The following FUT9 variants were observed in gnomAD, a reference collection of about 807,000 sequenced individuals.
FUT9 encodes the protein 4-galactosyl-N-acetylglucosaminide 3-alpha-L-fucosyltransferase 9.
Under a neutral mutation model 29.7 loss-of-function variants are expected in FUT9, and 15 were observed. The ratio of observed to expected loss-of-function variants is 0.51; its 90% CI spans 0.34 to 0.78. FUT9 has a LOEUF of 0.78. Among genes scored for constraint, FUT9 ranks in the 30% least tolerant of loss-of-function variants. The pLI is 0.01. For missense variants in FUT9, 319 were observed against 425.4 expected, an observed-to-expected ratio of 0.75 and a Z score of 2.20; for synonymous variants, 169 against 153.7, an observed-to-expected ratio of 1.10 and a Z score of -0.74.
rs531593078 is a variant in FUT9 at position 96,055,680 on chromosome 6, G to A, written c.-98+39468G>A. 1.7e-3 allele frequency among the ~76,000 whole-genome samples: 242 copies of A among 141,654 alleles called. 1 individual carries two copies. The highest frequency in any genetic ancestry group is 3.0e-3 in the Non-Finnish European group (196 of 65,308). The allele number at this position is 141,654 out of a possible 152,430, so 92.9% of individuals were successfully genotyped here. On this transcript the variant is annotated intron_variant, in intron 1 of 2. Transcript: ENST00000302103. The stretch of plus-strand genomic sequence containing the variant: ...CTATAGATAATTGTTTTTTGTTTTC[G>A]TTTTTGTTTTTGTTTTCTATTTCTT...
In FUT9 at chr6:96,211,632, T is replaced by G. The variant is rs1446325432; in HGVS notation, c.*7397T>G. On this transcript the variant is annotated 3_prime_UTR_variant, in exon 3 of 3. Coordinates refer to ENST00000302103, the MANE Select transcript of FUT9 (RefSeq NM_006581.4). ...AAATAATTGTTAGCCAGCCTGTGAT[T>G]AAGGCTACCATAATTGCATAATAAA... is the stretch of plus-strand genomic sequence containing the variant. 1 of 167,208 alleles carries G rather than the reference T, an allele frequency of 6.0e-6. No homozygotes were observed. Among genetic ancestry groups the G allele is most frequent in the African/African-American group, 2.4e-5 (1 of 41,462 alleles). The allele number at this position is 167,208 out of a possible 1,614,324, so 10.4% of individuals were successfully genotyped here. A position where few individuals can be genotyped will look rare whatever the true frequency, so the allele number is the denominator to read the frequency against.
At chr6:96,074,089 C>G (rs1771106469) in intron 1 of FUT9, among the ~76,000 whole-genome samples, 1 of 152,148 alleles carries the variant, frequency 6.6e-6, no homozygotes, top group Admixed American at 6.5e-5. Context: ...GATTCCAGTT[C>G]TAAAAACCTG....
chr6:96,193,394 A>G (rs1773556429), intron 2 of FUT9, among the ~76,000 whole-genome samples: 1 of 129,408 alleles, frequency 7.7e-6, no homozygotes, highest in Non-Finnish European at 1.7e-5. Flanking sequence ...TGGGCGAAGG[A>G]TGTGAACAGA....
At chr6:96,090,268 A>T (rs1236265309) in intron 1 of FUT9, among the ~76,000 whole-genome samples, 4 of 151,842 alleles carry the variant, frequency 2.6e-5, no homozygotes, top group African/African-American at 9.7e-5. Context: ...ATAAAAAAGT[A>T]CTTTTGGAAA....
chr6:96,169,721 C>A (rs1773077965), intron 2 of FUT9, among the ~76,000 whole-genome samples: 1 of 152,090 alleles, frequency 6.6e-6, no homozygotes, highest in African/African-American at 2.4e-5. Flanking sequence ...TTATTCAAAT[C>A]TCTTTTAAAT....
At chr6:96,039,053 T>C (rs771775700) in intron 1 of FUT9, among the ~76,000 whole-genome samples, 1 of 152,158 alleles carries the variant, frequency 6.6e-6, no homozygotes, top group Non-Finnish European at 1.5e-5. Flanking sequence ...TGAAATTATG[T>C]TAGTGAACCT....
intron 2 of FUT9, among the ~76,000 whole-genome samples, chr6:96,120,529 C>T (rs6571052): frequency 0.42 from 61,419 of 147,212 alleles, 13,290 homozygotes; most frequent in East Asian, 0.61. Flanking sequence ...GTGATCCGCC[C>T]GCCTCGGCCT....
intron 1 of FUT9, among the ~76,000 whole-genome samples, chr6:96,026,224 T>C (rs955315895): frequency 6.6e-6 from 1 of 151,766 alleles, no homozygotes; most frequent in Non-Finnish European, 1.5e-5. Flanking sequence ...AGTGACTGTT[T>C]GGATAGGCTT....
At position 96,212,444 on chromosome 6, in the gene FUT9, A is replaced by T. The variant is rs1011729298; in HGVS notation, c.*8209A>T. ...GTAGTCTACTTTTTAGATAAAAGAT[A>T]ATCTATCTTGAATATTTCATATGTG... On this transcript the variant is annotated 3_prime_UTR_variant, in exon 3 of 3. Transcript: ENST00000302103. The T allele has an allele frequency of 2.4e-6, 1 of 411,264 alleles. No individual in the cohort carries two copies. Among genetic ancestry groups the T allele is most frequent in the Non-Finnish European group, 4.4e-6 (1 of 224,824 alleles). The allele number at this position is 411,264 out of a possible 1,614,324, so 25.5% of individuals were successfully genotyped here. A position where few individuals can be genotyped will look rare whatever the true frequency, so the allele number is the denominator to read the frequency against.
chr6:96,202,333 C>A (rs1017181434), intron 2 of FUT9, among the ~76,000 whole-genome samples: 2 of 151,688 alleles, frequency 1.3e-5, no homozygotes. Flanking sequence ...TTTATAATAC[C>A]GATATCATCT....
intron 1 of FUT9, 124 bp downstream of exon 1, chr6:96,016,336 G>A (rs1769978183): frequency 6.6e-6 from 1 of 152,384 alleles, no homozygotes; most frequent in Non-Finnish European, 1.5e-5. Flanking sequence ...AGAGGGTCCA[G>A]GGAGGGTGTT....
chr6:96,085,391 ACTAG>A (rs1771299348), intron 1 of FUT9, among the ~76,000 whole-genome samples: 1 of 152,162 alleles, frequency 6.6e-6, no homozygotes, highest in Non-Finnish European at 1.5e-5. Flanking sequence ...GGTGAAAGAG[ACTAG>A]CTAGCTCTTT....
chr6:96,129,053 C>G (rs1182868410), intron 2 of FUT9, among the ~76,000 whole-genome samples: 1 of 149,320 alleles, frequency 6.7e-6, no homozygotes, highest in Non-Finnish European at 1.5e-5. Context: ...GTCAGGAGAT[C>G]GAGACCATCT....
chr6:96,072,429 A>G (rs17056034), intron 1 of FUT9, among the ~76,000 whole-genome samples: 7,336 of 152,294 alleles, frequency 0.048, 215 homozygotes, highest in South Asian at 0.12. Flanking sequence ...TCACAAATAT[A>G]TCTTTGTCAA....
chr6:96,121,236 CTTATAATGA>C (rs1291643416), intron 2 of FUT9, among the ~76,000 whole-genome samples: 1 of 152,118 alleles, frequency 6.6e-6, no homozygotes, highest in African/African-American at 2.4e-5. Context: ...CTTCTTATCC[CTTATAATGA>C]TATATCCTTA....
At chr6:96,183,474 A>T (rs939725669) in intron 2 of FUT9, among the ~76,000 whole-genome samples, 1 of 151,952 alleles carries the variant, frequency 6.6e-6, no homozygotes, top group East Asian at 1.9e-4. Context: ...GACTTCCAGT[A>T]CTATGTTGAG....
intron 2 of FUT9, among the ~76,000 whole-genome samples, chr6:96,126,981 C>T (rs1224591990): frequency 6.6e-6 from 1 of 152,138 alleles, no homozygotes; most frequent in Admixed American, 6.5e-5. Context: ...AGAATGGTTT[C>T]AGGTTATTAT....
In FUT9 at chr6:96,198,089, T is replaced by C. The variant is rs552068082; in HGVS notation, c.-8-5059T>C. 3.9e-5 allele frequency among the ~76,000 whole-genome samples: 6 copies of C among 152,130 alleles called. No individual in the cohort carries two copies. The East Asian group carries it at 7.7e-4, about 20-fold the overall frequency. ...TCAAGTTATCTTCCATTCTTTAACA[T>C]TCAGTAGAGTGTTCTTTTTTTTTCC... On this transcript the variant is annotated intron_variant, in intron 2 of 2. Transcript: ENST00000302103.
At chr6:96,170,371 TA>T (rs1222243067) in intron 2 of FUT9, among the ~76,000 whole-genome samples, 3 of 152,114 alleles carry the variant, frequency 2.0e-5, no homozygotes, top group Non-Finnish European at 4.4e-5. Context: ...AAGTTATAAA[TA>T]AGATTTAATG....
Sources: allele counts gnomAD v4.1 joint callset (sites outside exome capture counted in the v4.1 genomes callset), GRCh38; gene constraint gnomAD v4.1.1; transcripts MANE v1.5; gene names NCBI Gene and HGNC (gene_info 2026-07-23, HGNC 2026-07-21).